PEBP4: variants seen among roughly 807,000 people sequenced by gnomAD.
PEBP4 encodes phosphatidylethanolamine-binding protein 4.
In PEBP4, 22 loss-of-function variants were observed where a neutral mutation model predicts 23.9. The ratio of observed to expected loss-of-function variants is 0.92; its 90% CI spans 0.66 to 1.31. The LOEUF is 1.31. Ranked by LOEUF, PEBP4 falls within the 40% of genes most tolerant of loss-of-function variation. The pLI, the probability that PEBP4 is intolerant of heterozygous loss-of-function variation, is 0.00. For synonymous variants in PEBP4, 112 were observed against 99.3 expected (o/e 1.13, Z -0.76); for missense variants, 324 against 281.7 (o/e 1.15, Z -1.07).
At chr8:22,776,874 G>T (rs886340680) in intron 4 of PEBP4, among the ~76,000 whole-genome samples, 1 of 151,362 alleles carries the variant, frequency 6.6e-6, no homozygotes, top group Middle Eastern at 3.4e-3. Flanking sequence ...GCTGGGAGGT[G>T]GTTGGCACAT....
chr8:22,901,947 T>C (rs1327018141), intron 3 of PEBP4, among the ~76,000 whole-genome samples: 1 of 152,220 alleles, frequency 6.6e-6, no homozygotes, highest in East Asian at 1.9e-4. Context: ...CAGTCAGCTA[T>C]CCAGAAGATG....
rs1219787309 is a variant in PEBP4 at position 22,810,673 on chromosome 8, T to C, written c.357+6964A>G. ...CTTTGGGGTGTCTCATGGAGGGGTGTGTGTGTGTGTGTGTGTGTGTGTGTG... is the reference window on the plus strand; with the variant it reads ...CTTTGGGGTGTCTCATGGAGGGGTGCGTGTGTGTGTGTGTGTGTGTGTGTG... On this transcript the variant is annotated intron_variant, in intron 4 of 6. Coordinates refer to ENST00000256404, the MANE Select transcript of PEBP4 (RefSeq NM_144962.3). Among the ~76,000 whole-genome samples the C allele has an allele frequency of 8.0e-3, 335 of 41,648 alleles. 2 individuals carry two copies. The highest frequency in any genetic ancestry group is 0.024 in the African/African-American group (298 of 12,454). 27.3% of individuals were successfully genotyped at this position (41,648 alleles called of 152,430 possible).
chr8:22,717,779 T>C (rs899204336), intron 6 of PEBP4, among the ~76,000 whole-genome samples: 2 of 152,082 alleles, frequency 1.3e-5, no homozygotes, highest in Non-Finnish European at 2.9e-5. Flanking sequence ...CACCACTGCT[T>C]CTTGTTGGGG....
At chr8:22,907,168 C>G (rs1808833978) in intron 3 of PEBP4, among the ~76,000 whole-genome samples, 1 of 152,122 alleles carries the variant, frequency 6.6e-6, no homozygotes, top group Admixed American at 6.5e-5. Context: ...AGTCAAGAAA[C>G]AGAAAGGAGG....
At position 22,845,369 on chromosome 8, in the gene PEBP4, C is replaced by CAAAA. The variant is rs34601804; in HGVS notation, c.259-27638_259-27635dup. Among the ~76,000 whole-genome samples, 232 of 132,998 alleles carry CAAAA rather than the reference C, an allele frequency of 1.7e-3. 2 individuals carry two copies. Among genetic ancestry groups the CAAAA allele is most frequent in the African/African-American group, 6.5e-3 (228 of 35,078 alleles). The allele number at this position is 132,998 out of a possible 152,430, so 87.3% of individuals were successfully genotyped here. Reference sequence around the variant, plus strand: ...GACAACATACCAGGACGCATCTCTACAAAAAAAAAAAAAAAAATTGCTGGG... The same window carrying CAAAA: ...GACAACATACCAGGACGCATCTCTACAAAAAAAAAAAAAAAAAAAAATTGCTGGG... On this transcript the variant is annotated intron_variant, in intron 3 of 6. Transcript: ENST00000256404.
intron 3 of PEBP4, among the ~76,000 whole-genome samples, chr8:22,863,885 T>C (rs999323274): frequency 6.6e-6 from 1 of 152,160 alleles, no homozygotes; most frequent in Non-Finnish European, 1.5e-5. Context: ...AACTGTCAAA[T>C]GTTTCTCAAA....
At position 22,865,380 on chromosome 8, in the gene PEBP4, T is replaced by C. The variant is rs373899720; in HGVS notation, c.259-47645A>G. ...CGGGCGGTGACGGTGGCGGTGGCGG[T>C]GGCGGCGGCGGGACCCCGGGCCTGG... On this transcript the variant is annotated intron_variant, in intron 3 of 6. Coordinates refer to ENST00000256404, the MANE Select transcript of PEBP4 (RefSeq NM_144962.3). This position sits in a 1 kb window ranked among gnomAD's most constrained non-coding sequence, Gnocchi z 6.9. 1.3e-3 allele frequency among the ~76,000 whole-genome samples: 133 copies of C among 101,442 alleles called. No homozygotes were observed. Among genetic ancestry groups the C allele is most frequent in the Admixed American group, 3.4e-3 (33 of 9,838 alleles). 66.5% of individuals were successfully genotyped at this position (101,442 alleles called of 152,430 possible). A position where few individuals can be genotyped will look rare whatever the true frequency, so the allele number is the denominator to read the frequency against.
At chr8:22,740,147 G>A (rs1804959063) in intron 4 of PEBP4, among the ~76,000 whole-genome samples, 1 of 152,212 alleles carries the variant, frequency 6.6e-6, no homozygotes, top group Non-Finnish European at 1.5e-5. Context: ...GAACAGAAAG[G>A]AAGAAAGGAA....
At chr8:22,900,212 C>T (rs1057203388) in intron 3 of PEBP4, among the ~76,000 whole-genome samples, 1 of 152,198 alleles carries the variant, frequency 6.6e-6, no homozygotes, top group South Asian at 2.1e-4. Flanking sequence ...ACGAATCCCA[C>T]AGCACAGTTA....
intron 4 of PEBP4, among the ~76,000 whole-genome samples, chr8:22,781,304 G>T (rs573727102): frequency 1.3e-5 from 2 of 152,286 alleles, no homozygotes; most frequent in South Asian, 4.1e-4. Context: ...AGAGCCGGAG[G>T]GGGAAGGGGC....
At chr8:22,840,494 G>C (rs78377985) in intron 3 of PEBP4, among the ~76,000 whole-genome samples, 2 of 150,256 alleles carry the variant, frequency 1.3e-5, no homozygotes, top group East Asian at 3.9e-4. Flanking sequence ...TTCCTGCCTC[G>C]ACCTCCCAGT....
chr8:22,870,984 C>T (rs1031988573), intron 3 of PEBP4, among the ~76,000 whole-genome samples: 1 of 152,142 alleles, frequency 6.6e-6, no homozygotes, highest in East Asian at 1.9e-4. Context: ...TCTACAGATG[C>T]ACTTGGACTT....
At chr8:22,847,229 A>C (rs1408447339) in intron 3 of PEBP4, among the ~76,000 whole-genome samples, 1 of 152,218 alleles carries the variant, frequency 6.6e-6, no homozygotes, top group African/African-American at 2.4e-5. Context: ...GCCCTGGGGC[A>C]GCAGGGTCAG....
At chr8:22,925,749 C>A (rs1455114529) in intron 2 of PEBP4, among the ~76,000 whole-genome samples, 1 of 151,894 alleles carries the variant, frequency 6.6e-6, no homozygotes, top group Admixed American at 6.6e-5. Flanking sequence ...TGAGGTCCTC[C>A]TTAAGGGGCC....
chr8:22,728,271 C>T (rs913520741), intron 4 of PEBP4, among the ~76,000 whole-genome samples: 2 of 152,116 alleles, frequency 1.3e-5, no homozygotes, highest in Non-Finnish European at 2.9e-5. Flanking sequence ...AAGTCCTACT[C>T]GCTCAGTCCA....
In PEBP4 at chr8:22,778,155, C is replaced by T. The variant is rs989472815; in HGVS notation, c.357+39482G>A. On this transcript the variant is annotated intron_variant, in intron 4 of 6. Coordinates refer to ENST00000256404, the MANE Select transcript of PEBP4 (RefSeq NM_144962.3). ...GGTTGCCCATCTACCCCTGTCTCTACTGCTTGTCCTGAGCTTATCTGAGCT... is the reference window on the plus strand; with the variant it reads ...GGTTGCCCATCTACCCCTGTCTCTATTGCTTGTCCTGAGCTTATCTGAGCT... Among the ~76,000 whole-genome samples, 4 of 152,076 alleles carry T rather than the reference C, an allele frequency of 2.6e-5. 1 individual carries two copies. Among genetic ancestry groups the T allele is most frequent in the Non-Finnish European group, 5.9e-5 (4 of 68,022 alleles).
Position 22,889,109 on chromosome 8 carries a change from T to C in PEBP4, c.258+31075A>G, listed in dbSNP as rs577570091. Among the ~76,000 whole-genome samples, 9 of 152,354 alleles carry C rather than the reference T, an allele frequency of 5.9e-5. No individual in the cohort carries two copies. The South Asian group carries it at 1.9e-3, about 32-fold the overall frequency. The stretch of plus-strand genomic sequence containing the variant: ...ACCAGGCTTACTGCCGGGCACAATC[T>C]TCAAACCTCGAAAATGACTTGATTT... On this transcript the variant is annotated intron_variant, in intron 3 of 6. Coordinates refer to ENST00000256404, the MANE Select transcript of PEBP4 (RefSeq NM_144962.3).
chr8:22,794,002 A>G lies in PEBP4; in HGVS notation c.357+23635T>C, dbSNP rs546767541. On this transcript the variant is annotated intron_variant, in intron 4 of 6. Transcript: ENST00000256404. ...ACAAAAGTCAAACATTGCCAATTTA[A>G]TGGCCACAGTTGGGGAGGGGTAGGG... Among the ~76,000 whole-genome samples, 5 of 152,346 alleles carry G rather than the reference A, an allele frequency of 3.3e-5. No homozygotes were observed. In the East Asian group the frequency reaches 7.7e-4, roughly 24 times the overall value.
chr8:22,743,999 G>T (rs1161337354), intron 4 of PEBP4, among the ~76,000 whole-genome samples: 1 of 152,250 alleles, frequency 6.6e-6, no homozygotes, highest in Admixed American at 6.5e-5. Context: ...CCTGGGGGTT[G>T]TGGCTGCAGG....
Sources: gnomAD v4.1 joint callset for allele counts (sites outside exome capture counted in the v4.1 genomes callset) on GRCh38, gnomAD v4.1.1 for gene constraint, Gnocchi (gnomAD v3.1) non-coding constraint, MANE v1.5 for transcripts, NCBI Gene and HGNC (gene_info 2026-07-23, HGNC 2026-07-21) for gene names.